The following STAU2 variants were observed in gnomAD, a reference collection of about 807,000 sequenced individuals.
STAU2 encodes staufen double-stranded RNA binding protein 2, also known as double-stranded RNA-binding protein Staufen homolog 2.
STAU2 carries 20 observed loss-of-function variants against 65.9 expected under a neutral mutation model. The observed-to-expected ratio is 0.30, with a 90% CI of 0.21 to 0.44. The LOEUF is 0.44. Ranked by LOEUF, STAU2 falls within the 20% of genes least tolerant of loss-of-function variation. STAU2 has a pLI of 1.00. For missense variants in STAU2, 558 were observed against 683.9 expected (o/e 0.82, Z 2.05); for synonymous variants, 232 against 233.9 (o/e 0.99, Z 0.07).
intron 13 of STAU2, among the ~76,000 whole-genome samples, chr8:73,481,573 C>A (rs957873823): frequency 6.7e-6 from 1 of 149,840 alleles, no homozygotes; most frequent in East Asian, 2.0e-4. Flanking sequence ...CTAGCGAGAA[C>A]GGGCTTTCTG....
At chr8:73,504,677 G>C (rs1821958218) in intron 13 of STAU2, among the ~76,000 whole-genome samples, 1 of 151,614 alleles carries the variant, frequency 6.6e-6, no homozygotes, top group Admixed American at 6.6e-5. Flanking sequence ...GTATAAATAA[G>C]GTTGTCTCCT....
intron 3 of STAU2, among the ~76,000 whole-genome samples, chr8:73,725,190 C>T (rs530288340): frequency 3.3e-5 from 5 of 152,244 alleles, no homozygotes; most frequent in African/African-American, 1.2e-4. Context: ...TTTATATCTA[C>T]TGTTTTGTTA....
At chr8:73,690,226 G>A (rs1316796202) in intron 4 of STAU2, among the ~76,000 whole-genome samples, 1 of 151,270 alleles carries the variant, frequency 6.6e-6, no homozygotes, top group Non-Finnish European at 1.5e-5. Flanking sequence ...CTACTCGGGA[G>A]GCTGAGGCAG....
intron 3 of STAU2, among the ~76,000 whole-genome samples, chr8:73,709,455 T>G (rs979535943): frequency 6.6e-6 from 1 of 152,058 alleles, no homozygotes; most frequent in African/African-American, 2.4e-5. Flanking sequence ...TTAAAAACTT[T>G]CCTTTCCCCT....
intron 5 of STAU2, among the ~76,000 whole-genome samples, chr8:73,687,300 TTATAAATATAATTTATATTTATA>T (rs1818938554): frequency 7.8e-6 from 1 of 128,572 alleles, no homozygotes; most frequent in Non-Finnish European, 1.6e-5. Flanking sequence ...ATATTTATAT[TTATAAATATAATTTATATTTATA>T]TTTATAAATA....
intron 13 of STAU2, among the ~76,000 whole-genome samples, chr8:73,505,388 G>A (rs1311497985): frequency 6.6e-6 from 1 of 151,998 alleles, no homozygotes; most frequent in African/African-American, 2.4e-5. Context: ...CAGGAACATG[G>A]GAAATTTGAG....
chr8:73,632,607 A>G (rs1009835383), intron 6 of STAU2, among the ~76,000 whole-genome samples: 2 of 152,198 alleles, frequency 1.3e-5, no homozygotes, highest in African/African-American at 2.4e-5. Context: ...ATCTGAGCTT[A>G]TAAGACTGAG....
chr8:73,660,871 C>T (rs1212798861), intron 6 of STAU2, among the ~76,000 whole-genome samples: 3 of 152,056 alleles, frequency 2.0e-5, no homozygotes, highest in African/African-American at 4.8e-5. Flanking sequence ...AAAGCATACA[C>T]CCAGAAATAA....
chr8:73,632,203 TAAGA>T (rs1037478747), intron 6 of STAU2, among the ~76,000 whole-genome samples: 17 of 151,852 alleles, frequency 1.1e-4, no homozygotes, highest in African/African-American at 4.1e-4. Flanking sequence ...GATCAGAATA[TAAGA>T]TAGTTTTATT....
intron 13 of STAU2, chr8:73,527,895 G>GGA (rs1805548872): frequency 1.1e-4 from 5 of 46,958 alleles, no homozygotes; most frequent in South Asian, 3.1e-4. Context: ...AGATTTCACA[G>GGA]AACACACTTT....
At chr8:73,745,968 G>A (rs1807242817) in intron 1 of STAU2, among the ~76,000 whole-genome samples, 1 of 151,108 alleles carries the variant, frequency 6.6e-6, no homozygotes, top group Admixed American at 6.6e-5. Flanking sequence ...CGACCCCGAA[G>A]AGACTAGAGT....
At chr8:73,676,607 T>C (rs1219621614) in intron 5 of STAU2, among the ~76,000 whole-genome samples, 1 of 152,252 alleles carries the variant, frequency 6.6e-6, no homozygotes, top group Non-Finnish European at 1.5e-5. Context: ...TGTTTTGTTT[T>C]TTGTTTTTGA....
intron 13 of STAU2, among the ~76,000 whole-genome samples, chr8:73,524,839 G>GA (rs1823259071): frequency 6.6e-6 from 1 of 152,174 alleles, no homozygotes; most frequent in Admixed American, 6.5e-5. Flanking sequence ...ATTAATGGGT[G>GA]AAAAAGCATT....
intron 5 of STAU2, among the ~76,000 whole-genome samples, chr8:73,679,255 C>T (rs77207230): frequency 0.035 from 5,321 of 152,130 alleles, 274 homozygotes; most frequent in African/African-American, 0.12. Context: ...TGAGGTCACC[C>T]GGAGAAAATG....
intron 11 of STAU2, among the ~76,000 whole-genome samples, chr8:73,583,307 G>A (rs1209268204): frequency 2.0e-5 from 3 of 151,772 alleles, no homozygotes; most frequent in Non-Finnish European, 2.9e-5. Flanking sequence ...CACCACGCCC[G>A]GCTAATTTTT....
intron 13 of STAU2, among the ~76,000 whole-genome samples, chr8:73,473,154 G>A (rs970039403): frequency 6.6e-6 from 1 of 152,148 alleles, no homozygotes; most frequent in Non-Finnish European, 1.5e-5. Context: ...GGCAGGCCGA[G>A]CAGTCAATGA....
At chr8:73,710,376 CTT>C (rs11389924) in intron 3 of STAU2, among the ~76,000 whole-genome samples, 52 of 133,634 alleles carry the variant, frequency 3.9e-4, no homozygotes, top group East Asian at 3.0e-3. Flanking sequence ...GGCTTCTATC[CTT>C]TTTTTTTTTT....
chr8:73,451,657 C>T (rs373458317), intron 13 of STAU2, among the ~76,000 whole-genome samples: 3 of 151,780 alleles, frequency 2.0e-5, no homozygotes, highest in East Asian at 3.9e-4. Context: ...CTTAATTGCT[C>T]TTCTCAGGGT....
chr8:73,613,348 A>T (rs572605063), intron 9 of STAU2, among the ~76,000 whole-genome samples: 3 of 152,346 alleles, frequency 2.0e-5, no homozygotes, highest in African/African-American at 7.2e-5. Context: ...AGAGCGGTTC[A>T]GGAGGTTTGA....
Sources: allele counts gnomAD v4.1 joint callset (sites outside exome capture counted in the v4.1 genomes callset), GRCh38; gene constraint gnomAD v4.1.1; transcripts MANE v1.5; gene names NCBI Gene and HGNC (gene_info 2026-07-23, HGNC 2026-07-21).